The following RHD variants were observed in gnomAD, a reference collection of about 807,000 sequenced individuals.
RHD encodes Rh blood group D antigen.
In RHD, 16 loss-of-function variants were observed where a neutral mutation model predicts 45.5. The ratio of observed to expected loss-of-function variants is 0.35; its 90% CI spans 0.24 to 0.53. RHD has a LOEUF of 0.53. Among genes scored for constraint, RHD ranks in the 20% least tolerant of loss-of-function variants. RHD has a pLI of 0.92. For synonymous variants in RHD, 131 were observed against 217.5 expected (o/e 0.60, Z 3.50); for missense variants, 306 against 532.0 (o/e 0.58, Z 4.18).
In RHD at chr1:25,298,603, G is replaced by A. The variant is rs1278570207; in HGVS notation, c.487-2343G>A. Among the ~76,000 whole-genome samples the A allele has an allele frequency of 4.6e-5, 6 of 131,526 alleles. 1 individual carries two copies. Among genetic ancestry groups the A allele is most frequent in the Non-Finnish European group, 9.0e-5 (5 of 55,774 alleles). The allele number at this position is 131,526 out of a possible 152,430, so 86.3% of individuals were successfully genotyped here. The stretch of plus-strand genomic sequence containing the variant: ...TCAAAGAGATGAAAAACACAAGCCC[G>A]CTTTTCAGTTCTTATCAGGAAACTG... On this transcript the variant is annotated intron_variant, in intron 3 of 9. Transcript: ENST00000328664.
chr1:25,296,054 A>G (rs1642930481), intron 3 of RHD, among the ~76,000 whole-genome samples: 2 of 111,122 alleles, frequency 1.8e-5, no homozygotes, highest in Non-Finnish European at 4.3e-5. Flanking sequence ...GTAGAGACGG[A>G]GTTTTGCCAT....
intron 7 of RHD, among the ~76,000 whole-genome samples, chr1:25,311,519 C>T (rs1299252233): frequency 7.0e-5 from 9 of 128,916 alleles, no homozygotes; most frequent in African/African-American, 2.4e-4. Flanking sequence ...AGCAAAACTC[C>T]GTCTCAAAAA....
At position 25,280,761 on chromosome 1, in the gene RHD, G is replaced by A. The variant is rs1477354568; in HGVS notation, c.149-3812G>A. Reference sequence around the variant, plus strand: ...TGAGTAGCTGGGACTACAGGCACTCGCCACCACGCCCAAGTAATTTTGTAT... The same window carrying A: ...TGAGTAGCTGGGACTACAGGCACTCACCACCACGCCCAAGTAATTTTGTAT... On this transcript the variant is annotated intron_variant, in intron 1 of 9. Transcript: ENST00000328664. 3.1e-5 allele frequency among the ~76,000 whole-genome samples: 4 copies of A among 130,646 alleles called. 1 individual carries two copies. The highest frequency in any genetic ancestry group is 7.9e-5 in the African/African-American group (3 of 38,212). 85.7% of individuals were successfully genotyped at this position (130,646 alleles called of 152,430 possible). A position where few individuals can be genotyped will look rare whatever the true frequency, so the allele number is the denominator to read the frequency against.
rs546836696 is a variant in RHD, at chr1:25,279,947, T to C, written c.149-4626T>C. Among the ~76,000 whole-genome samples the C allele has an allele frequency of 7.8e-4, 100 of 128,732 alleles. 23 individuals carry two copies. The highest frequency in any genetic ancestry group is 4.1e-3 in the Middle Eastern group (1 of 242). The allele number at this position is 128,732 out of a possible 152,430, so 84.5% of individuals were successfully genotyped here. A position where few individuals can be genotyped will look rare whatever the true frequency, so the allele number is the denominator to read the frequency against. Reference sequence around the variant, plus strand: ...GCAGACTGTGAGAGGTGGAGGCTGATACCAGTGAGGATGCTCCAAGCTGGG... The same window carrying C: ...GCAGACTGTGAGAGGTGGAGGCTGACACCAGTGAGGATGCTCCAAGCTGGG... On this transcript the variant is annotated intron_variant, in intron 1 of 9. Transcript: ENST00000328664.
chr1:25,293,588 A>G (rs1458846820), intron 3 of RHD, among the ~76,000 whole-genome samples: 1 of 131,464 alleles, frequency 7.6e-6, no homozygotes, highest in African/African-American at 2.6e-5. Flanking sequence ...CTGTATCTTC[A>G]GAAGCACTCC....
chr1:25,312,503 G>C (rs2124041540), intron 7 of RHD, among the ~76,000 whole-genome samples: 1 of 130,392 alleles, frequency 7.7e-6, no homozygotes, highest in Middle Eastern at 4.1e-3. Context: ...CCAGTGATTT[G>C]GGAGGTTGAG....
intron 8 of RHD, among the ~76,000 whole-genome samples, chr1:25,320,930 G>A (rs1644663399): frequency 7.6e-6 from 1 of 131,744 alleles, no homozygotes; most frequent in African/African-American, 2.6e-5. Flanking sequence ...TGTGGTCCCA[G>A]CTACTTGGGA....
At chr1:25,294,359 C>G (rs1372575415) in intron 3 of RHD, 6 of 922,946 alleles carry the variant, frequency 6.5e-6, no homozygotes, top group Non-Finnish European at 1.1e-5. Flanking sequence ...GGGCTGCAGC[C>G]AGGGAATAGT....
At chr1:25,311,657 C>A (rs1286495669) in intron 7 of RHD, among the ~76,000 whole-genome samples, 1 of 129,798 alleles carries the variant, frequency 7.7e-6, no homozygotes, top group Non-Finnish European at 1.8e-5. Context: ...ATTACTGGCC[C>A]AGAGCTCTAA....
chr1:25,294,045 A>C (rs1642732474), intron 3 of RHD: 1 of 628,240 alleles, frequency 1.6e-6, no homozygotes, highest in Non-Finnish European at 3.0e-6. Flanking sequence ...TGATTAAGAG[A>C]AGAAGGCTGT....
chr1:25,274,832 C>A (rs1262971350), intron 1 of RHD, among the ~76,000 whole-genome samples: 1 of 132,248 alleles, frequency 7.6e-6, no homozygotes, highest in Non-Finnish European at 1.8e-5. Flanking sequence ...CATGGCAAAA[C>A]CGCATCTCTA....
At chr1:25,294,000 T>G (rs561936968) in intron 3 of RHD, among the ~76,000 whole-genome samples, 1 of 132,052 alleles carries the variant, frequency 7.6e-6, no homozygotes, top group South Asian at 2.3e-4. Context: ...CTCTCAAACC[T>G]TTTCCTCAAA....
Position 25,306,747 on chromosome 1 carries a change from C to T in RHD, c.1073+18C>T, listed in dbSNP as rs375354390. 7 of 1,371,974 alleles carry T rather than the reference C, an allele frequency of 5.1e-6. 1 individual carries two copies. The highest frequency in any genetic ancestry group is 7.2e-6 in the Non-Finnish European group (7 of 974,282). 85.0% of individuals were successfully genotyped at this position (1,371,974 alleles called of 1,614,324 possible). A position where few individuals can be genotyped will look rare whatever the true frequency, so the allele number is the denominator to read the frequency against. ...AATGGCATGTGGGTCACTGGGCTTA[C>T]CCCCCATCCCCTTAACACTCCCCTC... On this transcript the variant is annotated intron_variant, in intron 7 of 9. Transcript: ENST00000328664.
rs557746335 is a variant in RHD, at chr1:25,276,532, T to TAAAAAA, written c.148+3855_148+3860dup. On this transcript the variant is annotated intron_variant, in intron 1 of 9. Coordinates refer to ENST00000328664, the MANE Select transcript of RHD (RefSeq NM_016124.6). ...ACATAGGGAGACCCCCCCCCATCTCTAAAAAAAAAAAAAAAAAAAAAAACT... is the reference window on the plus strand; with the variant it reads ...ACATAGGGAGACCCCCCCCCATCTCTAAAAAAAAAAAAAAAAAAAAAAAAAAAAACT... Among the ~76,000 whole-genome samples, 106 of 64,778 alleles carry TAAAAAA rather than the reference T, an allele frequency of 1.6e-3. 9 individuals are homozygous for TAAAAAA. The highest frequency in any genetic ancestry group is 6.5e-3 in the African/African-American group (90 of 13,860). The allele number at this position is 64,778 out of a possible 152,430, so 42.5% of individuals were successfully genotyped here. A position where few individuals can be genotyped will look rare whatever the true frequency, so the allele number is the denominator to read the frequency against.
Position 25,294,238 on chromosome 1 carries a change from A to T in RHD, c.486+3447A>T, listed in dbSNP as rs1557532510. ...TAGTTGAAATAGCAAAGCCCAGCAA[A>T]GGTTAAAGCTGAAAATGCCAAAAGC... On this transcript the variant is annotated intron_variant, in intron 3 of 9. Transcript: ENST00000328664. 19 of 850,224 alleles carry T rather than the reference A, an allele frequency of 2.2e-5. 3 individuals carry two copies. The highest frequency in any genetic ancestry group is 3.7e-5 in the Admixed American group (2 of 54,442). The allele number at this position is 850,224 out of a possible 1,614,324, so 52.7% of individuals were successfully genotyped here.
chr1:25,287,163 G>A lies in RHD; in HGVS notation c.335+2404G>A, dbSNP rs1642094939. On this transcript the variant is annotated intron_variant, in intron 2 of 9. Transcript: ENST00000328664. Reference sequence around the variant, plus strand: ...GAATTCAATACACACACGCACACATGCACGCATACACACACTGTGTCCACC... The same window carrying A: ...GAATTCAATACACACACGCACACATACACGCATACACACACTGTGTCCACC... Among the ~76,000 whole-genome samples the A allele has an allele frequency of 2.2e-5, 3 of 135,198 alleles. 1 individual carries two copies. The highest frequency in any genetic ancestry group is 7.7e-5 in the African/African-American group (3 of 39,148). 88.7% of individuals were successfully genotyped at this position (135,198 alleles called of 152,430 possible).
At position 25,291,342 on chromosome 1, in the gene RHD, G is replaced by A. The variant is rs1557529742; in HGVS notation, c.486+551G>A. ...AATTTAGCTGGGCATGGTGGCAGGCGCCTGTAATCCCAGCTACTCAGGAGG... is the reference window on the plus strand; with the variant it reads ...AATTTAGCTGGGCATGGTGGCAGGCACCTGTAATCCCAGCTACTCAGGAGG... On this transcript the variant is annotated intron_variant, in intron 3 of 9. Coordinates refer to ENST00000328664, the MANE Select transcript of RHD (RefSeq NM_016124.6). Among the ~76,000 whole-genome samples, 2 of 130,334 alleles carry A rather than the reference G, an allele frequency of 1.5e-5. 1 individual carries two copies. The highest frequency in any genetic ancestry group is 4.8e-4 in the South Asian group (2 of 4,188). 85.5% of individuals were successfully genotyped at this position (130,334 alleles called of 152,430 possible).
At chr1:25,304,027 GAGC>G in intron 6 of RHD, among the ~76,000 whole-genome samples, 1 of 83,878 alleles carries the variant, frequency 1.2e-5, no homozygotes, top group East Asian at 2.2e-4. Context: ...GATGTGAGAG[GAGC>G]AGCACCCAGA....
Position 25,311,386 on chromosome 1 carries a change from G to A in RHD, c.1073+4657G>A, listed in dbSNP as rs1169548494. On this transcript the variant is annotated intron_variant, in intron 7 of 9. Transcript: ENST00000328664. ...ACTAGTACACATAAATTAGCCAGGC[G>A]TGGTGGTGGGCGCCTGTATTCCCAG... Among the ~76,000 whole-genome samples the A allele has an allele frequency of 4.6e-5, 6 of 131,174 alleles. 1 individual carries two copies. Among genetic ancestry groups the A allele is most frequent in the Admixed American group, 1.5e-4 (2 of 13,518 alleles). 86.1% of individuals were successfully genotyped at this position (131,174 alleles called of 152,430 possible).
Sources: allele counts gnomAD v4.1 joint callset (sites outside exome capture counted in the v4.1 genomes callset), GRCh38; gene constraint gnomAD v4.1.1; transcripts MANE v1.5; gene names NCBI Gene and HGNC (gene_info 2026-07-23, HGNC 2026-07-21).